PRIM2: variants seen among roughly 807,000 people sequenced by gnomAD.
PRIM2 encodes DNA primase subunit 2.
PRIM2 carries 39 observed loss-of-function variants against 67.3 expected under a neutral mutation model. The observed-to-expected ratio is 0.58, with a 90% CI of 0.45 to 0.76. The LOEUF is 0.76. Among genes scored for constraint, PRIM2 ranks in the 30% least tolerant of loss-of-function variants. The pLI, the probability that PRIM2 is intolerant of heterozygous loss-of-function variation, is 0.00. For missense variants in PRIM2, 398 were observed against 598.7 expected (o/e 0.66, Z 3.50); for synonymous variants, 143 against 198.7 (o/e 0.72, Z 2.36).
At chr6:57,605,962 AT>A (rs1776554842) in intron 11 of PRIM2, among the ~76,000 whole-genome samples, 1 of 151,894 alleles carries the variant, frequency 6.6e-6, no homozygotes, top group African/African-American at 2.4e-5. Context: ...CATGTTTTTC[AT>A]TTTGTTTATC....
At chr6:57,589,989 C>T (rs1177597600) in intron 10 of PRIM2, among the ~76,000 whole-genome samples, 1 of 152,066 alleles carries the variant, frequency 6.6e-6, no homozygotes, top group Non-Finnish European at 1.5e-5. Context: ...CAGCCAAGAG[C>T]CAGGCTCAGG....
intron 13 of PRIM2, among the ~76,000 whole-genome samples, chr6:57,636,352 T>C (rs1291186894): frequency 2.6e-5 from 4 of 152,194 alleles, no homozygotes; most frequent in Admixed American, 2.6e-4. Context: ...TTCCTTTTCC[T>C]AATTTAATTT....
chr6:57,584,106 C>T lies in PRIM2; in HGVS notation c.1021-16987C>T, dbSNP rs1168145751. On this transcript the variant is annotated intron_variant, in intron 10 of 13. Transcript: ENST00000615550. ...AACAGTAGTGCATTTGTACTCAATT[C>T]CCCATTAGGAATTTAGAAATTTTAT... Among the ~76,000 whole-genome samples, 4 of 151,842 alleles carry T rather than the reference C, an allele frequency of 2.6e-5. No individual in the cohort carries two copies. The South Asian group carries it at 8.3e-4, about 32-fold the overall frequency.
intron 5 of PRIM2, among the ~76,000 whole-genome samples, chr6:57,329,078 T>C (rs778350638): frequency 5.3e-5 from 8 of 152,140 alleles, no homozygotes; most frequent in Non-Finnish European, 8.8e-5. Flanking sequence ...ACAAATATTT[T>C]CCCCCACTCT....
chr6:57,272,188 A>T, the PRIM2 span, among the ~76,000 whole-genome samples: 1 of 151,852 alleles, frequency 6.6e-6, no homozygotes, highest in Non-Finnish European at 1.5e-5. Context: ...ATCCTTGTTA[A>T]CTTTCTGTCT....
intron 5 of PRIM2, among the ~76,000 whole-genome samples, chr6:57,340,937 G>T (rs924092779): frequency 1.3e-5 from 2 of 152,152 alleles, no homozygotes; most frequent in Non-Finnish European, 2.9e-5. Flanking sequence ...TTTAACAAGA[G>T]TGTTGGTGTT....
At chr6:57,619,203 C>G (rs1776808118) in intron 12 of PRIM2, among the ~76,000 whole-genome samples, 1 of 152,152 alleles carries the variant, frequency 6.6e-6, no homozygotes, top group Non-Finnish European at 1.5e-5. Flanking sequence ...CAGAAAGCCA[C>G]AACCACAGGA....
intron 12 of PRIM2, among the ~76,000 whole-genome samples, chr6:57,615,852 T>C (rs1199990986): frequency 6.6e-6 from 1 of 152,194 alleles, no homozygotes; most frequent in Non-Finnish European, 1.5e-5. Flanking sequence ...ATTGTGCCAC[T>C]GTACTCCATC....
At chr6:57,451,779 CT>C (rs146616279) in intron 7 of PRIM2, among the ~76,000 whole-genome samples, 558 of 133,806 alleles carry the variant, frequency 4.2e-3, no homozygotes, top group Middle Eastern at 0.016. Flanking sequence ...CATTTCCTTT[CT>C]TTTTTTTTTT....
At chr6:57,526,618 A>G (rs1250089356) in intron 8 of PRIM2, among the ~76,000 whole-genome samples, 6 of 152,244 alleles carry the variant, frequency 3.9e-5, no homozygotes, top group Admixed American at 3.3e-4. Flanking sequence ...TATTTGTGTT[A>G]TATCTCACTT....
chr6:57,414,371 A>T (rs1771191126), intron 7 of PRIM2, among the ~76,000 whole-genome samples: 4 of 152,162 alleles, frequency 2.6e-5, no homozygotes, highest in Admixed American at 2.0e-4. Flanking sequence ...TGTTTATTGA[A>T]TGAACTACTT....
chr6:57,519,763 T>C (rs1162428550), intron 8 of PRIM2, among the ~76,000 whole-genome samples: 17 of 152,340 alleles, frequency 1.1e-4, no homozygotes, highest in African/African-American at 4.1e-4. Flanking sequence ...GGGTATTGAT[T>C]GGGGAACTGA....
chr6:57,601,172 G>A lies in PRIM2; in HGVS notation c.1100G>A (p.Cys367Tyr). The A allele has an allele frequency of 3.7e-6, 6 of 1,612,576 alleles. No individual in the cohort carries two copies. The South Asian group carries it at 5.5e-5, about 15-fold the overall frequency. Reference protein sequence around the residue: ...GKRTDYTPFSCLKIILSNPPS... With the variant: ...GKRTDYTPFSYLKIILSNPPS... Reference sequence around the variant, plus strand: ...AGGACAGACTATACACCTTTCAGTTGCCTGAAGATTATTCTGTCCAATCCA... The same window carrying A: ...AGGACAGACTATACACCTTTCAGTTACCTGAAGATTATTCTGTCCAATCCA... The change falls in exon 11 of 14, where the codon TGC becomes TAC. Residue 367 changes from cysteine (C) to tyrosine (Y), a missense_variant. Transcript: ENST00000615550.
At chr6:57,419,176 A>T (rs1173898272) in intron 7 of PRIM2, among the ~76,000 whole-genome samples, 6 of 152,066 alleles carry the variant, frequency 3.9e-5, no homozygotes, top group Non-Finnish European at 8.8e-5. Flanking sequence ...TGGAATGGTG[A>T]CAGTGAGGAT....
chr6:57,413,164 T>C (rs1241537197), intron 7 of PRIM2, among the ~76,000 whole-genome samples: 3 of 150,670 alleles, frequency 2.0e-5, no homozygotes, highest in African/African-American at 7.3e-5. Flanking sequence ...TTGAAAGAAG[T>C]GAAAGAAAAT....
the PRIM2 span, among the ~76,000 whole-genome samples, chr6:57,306,640 C>T: frequency 6.6e-6 from 1 of 152,090 alleles, no homozygotes; most frequent in South Asian, 2.1e-4. Flanking sequence ...CCCCACTGAG[C>T]CATCAGCAGT....
At chr6:57,581,252 C>T (rs1414096949) in intron 10 of PRIM2, among the ~76,000 whole-genome samples, 2 of 152,082 alleles carry the variant, frequency 1.3e-5, no homozygotes, top group Non-Finnish European at 2.9e-5. Context: ...GCAAATTCTA[C>T]ATCACTCGGC....
At chr6:57,373,577 T>C (rs1276572944) in intron 5 of PRIM2, among the ~76,000 whole-genome samples, 4 of 152,214 alleles carry the variant, frequency 2.6e-5, no homozygotes, top group Non-Finnish European at 5.9e-5. Context: ...TTCATAGTTT[T>C]AGGTTTTACA....
intron 12 of PRIM2, among the ~76,000 whole-genome samples, chr6:57,625,527 A>T (rs1776933906): frequency 6.6e-6 from 1 of 152,150 alleles, no homozygotes; most frequent in Non-Finnish European, 1.5e-5. Context: ...GAGCCTTTGA[A>T]TCATGATGAA....
Sources: gnomAD v4.1 joint callset for allele counts (sites outside exome capture counted in the v4.1 genomes callset) on GRCh38, gnomAD v4.1.1 for gene constraint, MANE v1.5 for transcripts, NCBI Gene and HGNC (gene_info 2026-07-23, HGNC 2026-07-21) for gene names.